Variants in MOBP observed in about 807,000 individuals in gnomAD.
MOBP encodes myelin associated oligodendrocyte basic protein.
A neutral mutation model predicts 15.0 loss-of-function variants in MOBP; 5 were observed. That is an observed-to-expected ratio of 0.33 (90% CI 0.17 to 0.70). MOBP has a LOEUF of 0.70. Among genes scored for constraint, MOBP ranks in the 30% least tolerant of loss-of-function variants. The probability of loss-of-function intolerance (pLI) is 0.67; values close to 1 mark genes in which losing one functional copy is unlikely to be tolerated. For missense variants in MOBP, 188 were observed against 257.8 expected (o/e 0.73, Z 1.85); for synonymous variants, 88 against 99.0 (o/e 0.89, Z 0.66).
intron 1 of MOBP, among the ~76,000 whole-genome samples, chr3:39,479,765 C>G (rs1365145508): frequency 6.6e-6 from 1 of 151,250 alleles, no homozygotes; most frequent in African/African-American, 2.4e-5. Flanking sequence ...AAAAAAAGAA[C>G]TACAGATTTT....
At chr3:39,504,253 T>G (rs915828132), downstream of MOBP, among the ~76,000 whole-genome samples, 23 of 152,242 alleles carry the variant, frequency 1.5e-4, no homozygotes, top group African/African-American at 5.3e-4. Context: ...AGAAGGGTCC[T>G]AGGACAGGTA....
intron 2 of MOBP, among the ~76,000 whole-genome samples, chr3:39,484,364 G>C (rs550024232): frequency 6.6e-6 from 1 of 152,260 alleles, no homozygotes; most frequent in East Asian, 1.9e-4. Flanking sequence ...GAGAAACAAG[G>C]ACTTGGTTCT....
chr3:39,507,813 A>G (rs976559605), downstream of MOBP, among the ~76,000 whole-genome samples: 17 of 152,212 alleles, frequency 1.1e-4, no homozygotes, highest in African/African-American at 3.4e-4. Context: ...CCTCACAGCA[A>G]CTGTTCTTAA....
At chr3:39,516,924 G>T (rs2043211799), downstream of MOBP, among the ~76,000 whole-genome samples, 1 of 152,170 alleles carries the variant, frequency 6.6e-6, no homozygotes, top group Non-Finnish European at 1.5e-5. Flanking sequence ...ACAGTAATTT[G>T]CTCCCTGTCC....
At chr3:39,495,620 G>C (rs927161465) in intron 2 of MOBP, among the ~76,000 whole-genome samples, 9 of 151,620 alleles carry the variant, frequency 5.9e-5, no homozygotes, top group Non-Finnish European at 8.8e-5. Context: ...GGGTGTAGTA[G>C]CACGCACCTG....
Position 39,469,223 on chromosome 3 carries a change from T to C in MOBP, c.-89+1483T>C, listed in dbSNP as rs548606084. Among the ~76,000 whole-genome samples, 245 of 120,128 alleles carry C rather than the reference T, an allele frequency of 2.0e-3. 20 individuals carry two copies. The highest frequency in any genetic ancestry group is 9.3e-3 in the African/African-American group (205 of 22,012). The allele number at this position is 120,128 out of a possible 152,430, so 78.8% of individuals were successfully genotyped here. A position where few individuals can be genotyped will look rare whatever the true frequency, so the allele number is the denominator to read the frequency against. On this transcript the variant is annotated intron_variant, in intron 1 of 3. Coordinates refer to ENST00000684792, the MANE Select transcript of MOBP (RefSeq NM_001393704.1). Reference sequence around the variant, plus strand: ...ATATATACATGTGTGTGTATATACATATATACATATGTGTGTGTATATATA... The same window carrying C: ...ATATATACATGTGTGTGTATATACACATATACATATGTGTGTGTATATATA...
intron 1 of MOBP, among the ~76,000 whole-genome samples, chr3:39,474,959 TATTA>T (rs1235718711): frequency 6.6e-6 from 1 of 152,172 alleles, no homozygotes; most frequent in African/African-American, 2.4e-5. Flanking sequence ...ATTGATACAT[TATTA>T]ATTAACTGTA....
At chr3:39,482,172 C>T (rs72869152) in intron 2 of MOBP, among the ~76,000 whole-genome samples, 3,195 of 152,182 alleles carry the variant, frequency 0.021, 111 homozygotes, top group African/African-American at 0.072. Context: ...GTTGCTCAAA[C>T]GACACACCTT....
At chr3:39,510,118 G>A (rs1481910810) in intron 4 of MOBP, among the ~76,000 whole-genome samples, 1 of 151,996 alleles carries the variant, frequency 6.6e-6, no homozygotes, top group East Asian at 1.9e-4. Context: ...TTGCAATTTG[G>A]CCAAAAATCA....
rs117091713 is a variant in MOBP at position 39,510,751 on chromosome 3, G to A, written c.*-2632G>A. 1.2e-4 allele frequency among the ~76,000 whole-genome samples: 18 copies of A among 152,148 alleles called. No homozygotes were observed. The East Asian group carries it at 3.1e-3, about 26-fold the overall frequency. ...AATTATGTTGTCTTTGAATAGAGAC[G>A]GTTTGATATTTTTCTTTTCAATCTG... On this transcript the variant is annotated intron_variant, in intron 4 of 4. Coordinates refer to the MOBP transcript ENST00000311042.
intron 2 of MOBP, among the ~76,000 whole-genome samples, chr3:39,497,908 C>A (rs892453641): frequency 7.2e-5 from 11 of 152,172 alleles, no homozygotes; most frequent in African/African-American, 2.7e-4. Flanking sequence ...AAATAGAAAC[C>A]AAAAGTGAGG....
At chr3:39,487,321 C>T (rs12106854) in intron 2 of MOBP, among the ~76,000 whole-genome samples, 19,977 of 151,992 alleles carry the variant, frequency 0.13, 1,473 homozygotes, top group Middle Eastern at 0.2. Flanking sequence ...AATCTATCTG[C>T]CCCCTACCAA....
chr3:39,489,778 G>A (rs570903600), intron 2 of MOBP, among the ~76,000 whole-genome samples: 1 of 152,236 alleles, frequency 6.6e-6, no homozygotes, highest in East Asian at 1.9e-4. Context: ...CCTTCGAGCC[G>A]ACTGCCACAT....
intron 2 of MOBP, among the ~76,000 whole-genome samples, chr3:39,489,055 C>T (rs529604984): frequency 2.6e-5 from 4 of 152,318 alleles, no homozygotes; most frequent in Non-Finnish European, 5.9e-5. Flanking sequence ...CAATGTTCCC[C>T]TCCCTCACTG....
At chr3:39,496,715 T>C (rs1311154240) in intron 2 of MOBP, among the ~76,000 whole-genome samples, 2 of 151,030 alleles carry the variant, frequency 1.3e-5, no homozygotes, top group African/African-American at 2.4e-5. Context: ...CCAGGCTGGA[T>C]TGCAATAGTG....
chr3:39,492,234 A>G (rs1363842052), intron 2 of MOBP, among the ~76,000 whole-genome samples: 5 of 152,180 alleles, frequency 3.3e-5, no homozygotes, highest in African/African-American at 1.2e-4. Flanking sequence ...AATGTGTGTC[A>G]TTCATGCTAA....
In MOBP at chr3:39,498,374, G is replaced by A. The variant is rs552354156; in HGVS notation, c.-4-3692G>A. ...TTTTTATTTTTTTGTTTTTGGAGAC[G>A]GAGTCTTGCTCTATCTCTCAGGCTG... On this transcript the variant is annotated intron_variant, in intron 2 of 3. Coordinates refer to ENST00000684792, the MANE Select transcript of MOBP (RefSeq NM_001393704.1). 4.6e-5 allele frequency among the ~76,000 whole-genome samples: 7 copies of A among 151,984 alleles called. No homozygotes were observed. The South Asian group carries it at 1.2e-3, about 27-fold the overall frequency.
At chr3:39,526,061 T>C (rs1220909809), downstream of MOBP, 1 of 152,286 alleles carries the variant, frequency 6.6e-6, no homozygotes, top group Non-Finnish European at 1.5e-5. Flanking sequence ...TGGTGAAACA[T>C]ACGACAGACC....
chr3:39,495,084 C>T lies in MOBP; in HGVS notation c.-4-6982C>T, dbSNP rs1005704320. On this transcript the variant is annotated intron_variant, in intron 2 of 3. Coordinates refer to ENST00000684792, the MANE Select transcript of MOBP (RefSeq NM_001393704.1). ...CTGTACCCAGGAGTAAACTGCTAGA[C>T]TACAGTTTGTGCACATTTTTATCCT... Among the ~76,000 whole-genome samples the T allele has an allele frequency of 2.6e-5, 4 of 152,104 alleles. No individual in the cohort carries two copies. The East Asian group carries it at 7.7e-4, about 29-fold the overall frequency.
Sources: allele counts gnomAD v4.1 joint callset (sites outside exome capture counted in the v4.1 genomes callset), GRCh38; gene constraint gnomAD v4.1.1; transcripts MANE v1.5; gene names NCBI Gene and HGNC (gene_info 2026-07-23, HGNC 2026-07-21).